Variants in SLC28A3 observed in about 807,000 individuals in gnomAD.
SLC28A3 encodes the protein solute carrier family 28 member 3.
In SLC28A3, 68 loss-of-function variants were observed where a neutral mutation model predicts 84.2. The ratio of observed to expected loss-of-function variants is 0.81; its 90% confidence interval spans 0.66 to 0.99. SLC28A3 has a LOEUF of 0.99. SLC28A3 is among the 50% of genes least tolerant of loss of function. SLC28A3 has a pLI of 0.00. For synonymous variants in SLC28A3, 267 were observed against 303.6 expected, an observed-to-expected ratio of 0.88 and a Z score of 1.25; for missense variants, 712 against 841.5, an observed-to-expected ratio of 0.85 and a Z score of 1.90.
rs761695517 is a variant in SLC28A3 at position 84,288,007 on chromosome 9, G to T, written c.1280+41C>A. 3.1e-6 allele frequency: 5 copies of T among 1,611,928 alleles called. No individual in the cohort carries two copies. The African/African-American group carries it at 6.7e-5, about 22-fold the overall frequency. On this transcript the variant is annotated intron_variant, in intron 12 of 17. Transcript: ENST00000376238. The stretch of plus-strand genomic sequence containing the variant: ...ATTGACTCCTGGAGTCCCCCGCCCC[G>T]GCTTGGGTAGTCATTAATTAGGTGA...
At chr9:84,355,442 G>GA in the SLC28A3 span, among the ~76,000 whole-genome samples, 4 of 151,956 alleles carry the variant, frequency 2.6e-5, no homozygotes, top group East Asian at 1.9e-4. Context: ...TGTCTTGGGG[G>GA]AAAAAAACAC....
At chr9:84,359,256 C>T in the SLC28A3 span, among the ~76,000 whole-genome samples, 1 of 152,220 alleles carries the variant, frequency 6.6e-6, no homozygotes, top group Non-Finnish European at 1.5e-5. Context: ...TTTAGGGCAA[C>T]TGTACCTGAC....
At chr9:84,336,857 C>G (rs575500967) in intron 1 of SLC28A3, among the ~76,000 whole-genome samples, 1 of 152,276 alleles carries the variant, frequency 6.6e-6, no homozygotes, top group Admixed American at 6.5e-5. Flanking sequence ...ACAGATAGTT[C>G]TCTCTGCTTG....
rs538996511 is a variant in SLC28A3, at chr9:84,306,205, G to T, written c.243-860C>A. Among the ~76,000 whole-genome samples the T allele has an allele frequency of 3.9e-5, 6 of 152,108 alleles. No individual in the cohort carries two copies. The South Asian group carries it at 1.0e-3, about 26-fold the overall frequency. ...GGAACTTCTTGCATATTTCCCCATTGTCCCCTCCAGGCCACGGGATAGCAC... is the reference window on the plus strand; with the variant it reads ...GGAACTTCTTGCATATTTCCCCATTTTCCCCTCCAGGCCACGGGATAGCAC... On this transcript the variant is annotated intron_variant, in intron 3 of 17. Coordinates refer to ENST00000376238, the MANE Select transcript of SLC28A3 (RefSeq NM_001199633.2).
intron 5 of SLC28A3, among the ~76,000 whole-genome samples, chr9:84,299,932 A>T (rs985496869): frequency 6.6e-6 from 1 of 152,012 alleles, no homozygotes; most frequent in Non-Finnish European, 1.5e-5. Flanking sequence ...AGCTGGGATT[A>T]TAGGCATCTG....
Position 84,285,551 on chromosome 9 carries a change from A to G in SLC28A3, c.1450-9T>C. On this transcript the variant is annotated splice_polypyrimidine_tract_variant and intron_variant, in intron 13 of 17. Coordinates refer to ENST00000376238, the MANE Select transcript of SLC28A3 (RefSeq NM_001199633.2). ...ATGTAGGAGCAGATTAGCTACAGAA[A>G]CCAAAAGTAGACACTTGATTAGAAT... 1.2e-6 allele frequency: 2 copies of G among 1,614,058 alleles called. No individual in the cohort carries two copies. The highest frequency in any genetic ancestry group is 1.7e-6 in the Non-Finnish European group (2 of 1,179,970).
At chr9:84,330,203 T>C (rs1175942162) in intron 1 of SLC28A3, among the ~76,000 whole-genome samples, 1 of 151,386 alleles carries the variant, frequency 6.6e-6, no homozygotes, top group Non-Finnish European at 1.5e-5. Context: ...AGTGAAGAGA[T>C]TGAATTGCTA....
At chr9:84,351,113 A>G in the SLC28A3 span, among the ~76,000 whole-genome samples, 1 of 152,148 alleles carries the variant, frequency 6.6e-6, no homozygotes, top group African/African-American at 2.4e-5. Context: ...ATACAAAAAT[A>G]TTTTCTTTAT....
At chr9:84,356,826 G>C in the SLC28A3 span, among the ~76,000 whole-genome samples, 1 of 150,528 alleles carries the variant, frequency 6.6e-6, no homozygotes, top group Non-Finnish European at 1.5e-5. Context: ...GTGAGACTCT[G>C]TCTCAAAAAA....
intron 3 of SLC28A3, among the ~76,000 whole-genome samples, chr9:84,306,285 T>C (rs2118351221): frequency 6.6e-6 from 1 of 152,246 alleles, no homozygotes; most frequent in South Asian, 2.1e-4. Flanking sequence ...CTCCAGGACC[T>C]CAAAGGATGT....
rs1368784063 is a variant in SLC28A3 at position 84,335,465 on chromosome 9, C to T, written c.60+5109G>A. On this transcript the variant is annotated intron_variant, in intron 1 of 17. Coordinates refer to ENST00000376238, the MANE Select transcript of SLC28A3 (RefSeq NM_001199633.2). ...CAGGAGGCTGAGGTCAAAGGATTGC[C>T]TGGGCTCAGGAGTTTGAGGCTGCAA... Among the ~76,000 whole-genome samples the T allele has an allele frequency of 2.6e-5, 4 of 152,148 alleles. No homozygotes were observed. The East Asian group carries it at 7.7e-4, about 29-fold the overall frequency.
intron 3 of SLC28A3, 87 bp downstream of exon 3, chr9:84,309,542 A>G (rs1825915253): frequency 2.4e-6 from 2 of 829,380 alleles, no homozygotes; most frequent in Admixed American, 2.7e-5. Context: ...AAAAAAAAAA[A>G]AAAAAAGAAA....
In SLC28A3 at chr9:84,313,331, A is replaced by G. The variant is rs766619306; in HGVS notation, c.156+28T>C. Reference sequence around the variant, plus strand: ...GTTGCGCAGCGGCTGCCATGGTACTAGAGTCATGCACCACAGTCTTGCTGT... The same window carrying G: ...GTTGCGCAGCGGCTGCCATGGTACTGGAGTCATGCACCACAGTCTTGCTGT... On this transcript the variant is annotated intron_variant, in intron 2 of 17. Transcript: ENST00000376238. 2.5e-6 allele frequency: 4 copies of G among 1,599,794 alleles called. No individual in the cohort carries two copies. The Admixed American group carries it at 5.0e-5, about 20-fold the overall frequency.
intron 1 of SLC28A3, among the ~76,000 whole-genome samples, chr9:84,330,889 C>G (rs1826758672): frequency 6.6e-6 from 1 of 152,130 alleles, no homozygotes; most frequent in South Asian, 2.1e-4. Flanking sequence ...AATTACATAT[C>G]TGGCTAGTGT....
At chr9:84,346,131 C>A in the SLC28A3 span, among the ~76,000 whole-genome samples, 2 of 152,272 alleles carry the variant, frequency 1.3e-5, no homozygotes, top group East Asian at 3.9e-4. Flanking sequence ...ACTTTGAAAC[C>A]ATTGTGTAGC....
the SLC28A3 span, among the ~76,000 whole-genome samples, chr9:84,362,073 A>G: frequency 1.3e-5 from 2 of 152,170 alleles, no homozygotes; most frequent in African/African-American, 4.8e-5. Context: ...AACCCGACTT[A>G]TTAGTGTTTT....
chr9:84,347,291 G>A, the SLC28A3 span, among the ~76,000 whole-genome samples: 8,157 of 148,222 alleles, frequency 0.055, 443 homozygotes, highest in East Asian at 0.18. Context: ...AGATACTTAT[G>A]TTGTTTCCAT....
At position 84,316,445 on chromosome 9, in the gene SLC28A3, C is replaced by T. The variant is rs553153322; in HGVS notation, c.61-2991G>A. 2.0e-5 allele frequency among the ~76,000 whole-genome samples: 3 copies of T among 152,274 alleles called. No homozygotes were observed. In the South Asian group the frequency reaches 6.2e-4, roughly 32 times the overall value. On this transcript the variant is annotated intron_variant, in intron 1 of 17. Transcript: ENST00000376238. ...GGATGGCTGGCAGGTGCACTTGTTC[C>T]TTTTTGTCATTTCCTCTGTCTTGCT... is the stretch of plus-strand genomic sequence containing the variant.
chr9:84,280,425 C>CA, intron 15 of SLC28A3, among the ~76,000 whole-genome samples: 1 of 152,296 alleles, frequency 6.6e-6, no homozygotes, highest in African/African-American at 2.4e-5. Flanking sequence ...ACTCAACTGT[C>CA]ACCATCTACT....
Sources: allele counts gnomAD v4.1 joint callset (sites outside exome capture counted in the v4.1 genomes callset), GRCh38; gene constraint gnomAD v4.1.1; transcripts MANE v1.5; gene names NCBI Gene and HGNC (gene_info 2026-07-23, HGNC 2026-07-21).